The following COL9A1 variants were observed in gnomAD, a reference collection of about 807,000 sequenced individuals.
COL9A1 encodes collagen type IX alpha 1 chain.
COL9A1 carries 104 observed loss-of-function variants against 142.6 expected under a neutral mutation model. The observed-to-expected ratio is 0.73, with a 90% CI of 0.62 to 0.86. COL9A1 has a LOEUF of 0.86. Among genes scored for constraint, COL9A1 ranks in the 40% least tolerant of loss-of-function variants. The pLI is 0.00. For missense variants in COL9A1, 1,210 were observed against 1,176.6 expected (o/e 1.03, Z -0.42); for synonymous variants, 466 against 396.0 (o/e 1.18, Z -2.10).
intron 1 of COL9A1, 107 bp from the exon 2 acceptor site, chr6:70,302,181 A>C (rs1774091101): frequency 1.5e-6 from 1 of 671,346 alleles, no homozygotes; most frequent in Non-Finnish European, 2.6e-6. Flanking sequence ...TGATCAAATC[A>C]CAGTATAGTT....
intron 30 of COL9A1, 134 bp from the exon 31 acceptor site, chr6:70,241,588 C>T: frequency 1.3e-6 from 1 of 761,330 alleles, no homozygotes; most frequent in Non-Finnish European, 2.3e-6. Context: ...CTCCTCACCA[C>T]CCAACAAGAA....
chr6:70,242,094 A>C, intron 29 of COL9A1, 59 bp from the exon 30 acceptor site: 1 of 1,424,094 alleles, frequency 7.0e-7, no homozygotes, highest in East Asian at 2.5e-5. Flanking sequence ...AAAGCACGGA[A>C]GGCAGAAACA....
At chr6:70,244,338 G>A (rs947423056) in intron 28 of COL9A1, among the ~76,000 whole-genome samples, 2 of 152,206 alleles carry the variant, frequency 1.3e-5, no homozygotes, top group East Asian at 3.8e-4. Flanking sequence ...GAGAATGTGA[G>A]TCTAGATGAA....
At chr6:70,296,078 T>C (rs1304282541) in intron 4 of COL9A1, among the ~76,000 whole-genome samples, 2 of 152,156 alleles carry the variant, frequency 1.3e-5, no homozygotes, top group African/African-American at 4.8e-5. Flanking sequence ...CTTTATTATG[T>C]CTTATAACAA....
intron 4 of COL9A1, among the ~76,000 whole-genome samples, chr6:70,299,325 A>G (rs1583354279): frequency 6.6e-6 from 1 of 152,126 alleles, no homozygotes; most frequent in African/African-American, 2.4e-5. Context: ...TATCTACTAA[A>G]GGAATTTTAA....
chr6:70,302,941 CTTTG>C lies in COL9A1; in HGVS notation c.-21_-18del, dbSNP rs768358612. 11 of 1,612,772 alleles carry C rather than the reference CTTTG, an allele frequency of 6.8e-6. No individual in the cohort carries two copies. The highest frequency in any genetic ancestry group is 1.6e-4 in the Middle Eastern group (1 of 6,082). On this transcript the variant is annotated 5_prime_UTR_variant, in exon 1 of 38. Transcript: ENST00000357250. The stretch of plus-strand genomic sequence containing the variant: ...GGTCTTCATTTTCCCAGTTGATTTT[CTTTG>C]TTTGCCAACAGTCCCTATGAAGAAG...
At chr6:70,268,926 T>C (rs1772219285) in intron 16 of COL9A1, 66 bp from the exon 17 acceptor site, 11 of 1,366,872 alleles carry the variant, frequency 8.0e-6, no homozygotes, top group Middle Eastern at 3.6e-4. Flanking sequence ...GGACTCCCGC[T>C]TTGTGACAGT....
intron 35 of COL9A1, among the ~76,000 whole-genome samples, chr6:70,234,025 G>A (rs2127558804): frequency 6.6e-6 from 1 of 152,328 alleles, no homozygotes; most frequent in Middle Eastern, 3.4e-3. Context: ...ATGAAAATGT[G>A]TCATAATTTT....
chr6:70,262,423 T>C (rs1771747304), intron 19 of COL9A1, among the ~76,000 whole-genome samples: 1 of 152,194 alleles, frequency 6.6e-6, no homozygotes, highest in South Asian at 2.1e-4. Context: ...TCTGCACAGC[T>C]CGCTGAACCC....
intron 29 of COL9A1, chr6:70,242,274 A>G: frequency 1.7e-6 from 1 of 593,126 alleles, no homozygotes; most frequent in Admixed American, 2.7e-5. Flanking sequence ...CCTTGGCAAC[A>G]GTAGGCTTTT....
intron 12 of COL9A1, 84 bp from the exon 13 acceptor site, chr6:70,272,172 A>G (rs113098563): frequency 8.9e-7 from 1 of 1,125,088 alleles, no homozygotes; most frequent in Non-Finnish European, 1.3e-6. Flanking sequence ...AGCTAAAATA[A>G]ACCATAAACT....
intron 5 of COL9A1, 71 bp downstream of exon 5, chr6:70,294,096 A>T: frequency 6.3e-7 from 1 of 1,577,950 alleles, no homozygotes. Context: ...ATTATCAAAG[A>T]TGCTTGAGAT....
At chr6:70,279,377 T>A (rs1185988521) in intron 10 of COL9A1, 2 of 152,200 alleles carry the variant, frequency 1.3e-5, no homozygotes, top group Non-Finnish European at 2.9e-5. Context: ...AGGTGCCTCC[T>A]GTACTGCTAA....
chr6:70,228,164 C>T (rs74415966), intron 36 of COL9A1, among the ~76,000 whole-genome samples: 376 of 152,180 alleles, frequency 2.5e-3, no homozygotes, highest in African/African-American at 8.7e-3. Flanking sequence ...ACAGTGTCTA[C>T]ATTTCACTAC....
At chr6:70,284,415 C>T (rs73745365) in intron 5 of COL9A1, among the ~76,000 whole-genome samples, 2,003 of 152,090 alleles carry the variant, frequency 0.013, 33 homozygotes, top group African/African-American at 0.045. Context: ...AAGATGAAGG[C>T]AGTGAGAAGG....
chr6:70,233,606 G>C (rs980278278), intron 35 of COL9A1, among the ~76,000 whole-genome samples: 13 of 152,144 alleles, frequency 8.5e-5, no homozygotes, highest in African/African-American at 2.7e-4. Flanking sequence ...GTTTAAATGT[G>C]AGTATTTTAA....
chr6:70,293,631 T>TCTCA (rs1773735287), intron 5 of COL9A1, among the ~76,000 whole-genome samples: 3 of 137,778 alleles, frequency 2.2e-5, no homozygotes, highest in African/African-American at 5.5e-5. Context: ...TCTCTCTCTT[T>TCTCA]CACACACACA....
chr6:70,278,696 C>A (rs912869604), intron 10 of COL9A1, among the ~76,000 whole-genome samples: 5 of 152,060 alleles, frequency 3.3e-5, no homozygotes, highest in African/African-American at 1.2e-4. Context: ...TCTTTTATGT[C>A]TTTTAATATT....
At chr6:70,274,686 G>T (rs201492011) in intron 11 of COL9A1, 33 bp downstream of exon 11, 5 of 1,559,016 alleles carry the variant, frequency 3.2e-6, no homozygotes, top group Non-Finnish European at 4.4e-6. Context: ...CAGCATTTTC[G>T]TACTAGCAAT....
Sources: gnomAD v4.1 joint callset for allele counts (sites outside exome capture counted in the v4.1 genomes callset) on GRCh38, gnomAD v4.1.1 for gene constraint, MANE v1.5 for transcripts, NCBI Gene and HGNC (gene_info 2026-07-23, HGNC 2026-07-21) for gene names.